OTOGL: variants seen among roughly 807,000 people sequenced by gnomAD.
OTOGL encodes otogelin like.
In OTOGL, 285 loss-of-function variants were observed where a neutral mutation model predicts 318.5. That is an observed-to-expected ratio of 0.89 (90% CI 0.81 to 0.99). The LOEUF is 0.99. Ranked by LOEUF, OTOGL falls within the 50% of genes least tolerant of loss-of-function variation. The probability of loss-of-function intolerance (pLI) is 0.00; values close to 1 mark genes in which losing one functional copy is unlikely to be tolerated. For missense variants in OTOGL, 2,899 were observed against 2,845.6 expected (o/e 1.02, Z -0.43); for synonymous variants, 987 against 936.5 (o/e 1.05, Z -0.99).
intron 29 of OTOGL, among the ~76,000 whole-genome samples, chr12:80,306,692 A>G (rs903658880): frequency 6.6e-5 from 10 of 152,024 alleles, no homozygotes; most frequent in South Asian, 2.1e-4. Context: ...TGGCTATCTT[A>G]CATCTTGTTA....
In OTOGL at chr12:80,188,762, G is replaced by C. The variant is rs1035746332; in HGVS notation, c.-19-20651G>C. Among the ~76,000 whole-genome samples, 5 of 151,998 alleles carry C rather than the reference G, an allele frequency of 3.3e-5. No individual in the cohort carries two copies. In the East Asian group the frequency reaches 9.6e-4, roughly 29 times the overall value. On this transcript the variant is annotated intron_variant, in intron 1 of 58. Coordinates refer to ENST00000547103, the MANE Select transcript of OTOGL (RefSeq NM_001378609.3). ...TTTTGTTATATAAATAAAGCCATCT[G>C]GTATATCCAAAGAATTTCAGTCTCT...
chr12:80,353,231 T>C (rs1889663642), intron 45 of OTOGL, 94 bp from the exon 46 acceptor site: 1 of 1,113,632 alleles, frequency 9.0e-7, no homozygotes, highest in East Asian at 2.9e-5. Flanking sequence ...TTGCAAAATA[T>C]ATTTTCTAAA....
intron 1 of OTOGL, among the ~76,000 whole-genome samples, chr12:80,156,437 C>A (rs997360762): frequency 1.3e-5 from 2 of 152,168 alleles, no homozygotes; most frequent in Non-Finnish European, 2.9e-5. Context: ...CCTATTAGTT[C>A]TGTCCCTCTA....
intron 52 of OTOGL, among the ~76,000 whole-genome samples, chr12:80,363,825 T>G (rs1262868138): frequency 6.6e-6 from 1 of 152,208 alleles, no homozygotes; most frequent in African/African-American, 2.4e-5. Context: ...TTATACTTCC[T>G]GTGTTCTAGA....
At chr12:80,338,593 T>A (rs1265144440) in intron 42 of OTOGL, among the ~76,000 whole-genome samples, 1 of 152,080 alleles carries the variant, frequency 6.6e-6, no homozygotes, top group Non-Finnish European at 1.5e-5. Context: ...TATAATCCAA[T>A]GCAAACCTGC....
intron 26 of OTOGL, among the ~76,000 whole-genome samples, chr12:80,288,700 T>C (rs1299818750): frequency 6.6e-6 from 1 of 151,932 alleles, no homozygotes; most frequent in Non-Finnish European, 1.5e-5. Flanking sequence ...ATTGATCCTT[T>C]TGTATGCTTC....
intron 1 of OTOGL, among the ~76,000 whole-genome samples, chr12:80,110,812 T>A (rs1869791488): frequency 6.6e-6 from 1 of 152,196 alleles, no homozygotes; most frequent in Non-Finnish European, 1.5e-5. Context: ...GTTCTAGATC[T>A]TTGAGGAATC....
chr12:80,368,997 G>A (rs1047074033), intron 55 of OTOGL, among the ~76,000 whole-genome samples: 7 of 151,258 alleles, frequency 4.6e-5, no homozygotes, highest in Non-Finnish European at 1.0e-4. Flanking sequence ...GATATGGTGA[G>A]AAAGTAGTGT....
chr12:80,103,727 T>G (rs889729671), intron 1 of OTOGL, among the ~76,000 whole-genome samples: 1 of 152,226 alleles, frequency 6.6e-6, no homozygotes, highest in Admixed American at 6.5e-5. Context: ...TTTAGGAACA[T>G]AGTAATAGCT....
chr12:80,113,690 A>T (rs893396153), intron 1 of OTOGL, among the ~76,000 whole-genome samples: 1 of 152,046 alleles, frequency 6.6e-6, no homozygotes, highest in Non-Finnish European at 1.5e-5. Context: ...ATCCTTGTTA[A>T]TTTTTTGTCT....
chr12:80,145,538 C>T (rs554251823), intron 1 of OTOGL, among the ~76,000 whole-genome samples: 7 of 151,620 alleles, frequency 4.6e-5, no homozygotes, highest in East Asian at 1.9e-4. Flanking sequence ...CTTGGCGATG[C>T]GGGCTCTTTT....
intron 1 of OTOGL, among the ~76,000 whole-genome samples, chr12:80,163,493 A>G (rs1261480956): frequency 6.6e-6 from 1 of 152,128 alleles, no homozygotes; most frequent in East Asian, 1.9e-4. Flanking sequence ...GGTAGTTAGT[A>G]TCAGGCTTAG....
chr12:80,305,516 TG>T, intron 28 of OTOGL, 59 bp from the exon 29 acceptor site: 1 of 1,275,620 alleles, frequency 7.8e-7, no homozygotes, highest in Non-Finnish European at 1.0e-6. Context: ...TTAATGAATA[TG>T]AGTCTTTAAA....
At chr12:80,168,449 G>A (rs1439200428) in intron 1 of OTOGL, among the ~76,000 whole-genome samples, 6 of 151,962 alleles carry the variant, frequency 3.9e-5, no homozygotes, top group Non-Finnish European at 8.8e-5. Context: ...ATTTTTTGGG[G>A]GGATCACAGA....
At chr12:80,301,536 T>C (rs1193018302) in intron 27 of OTOGL, among the ~76,000 whole-genome samples, 1 of 152,236 alleles carries the variant, frequency 6.6e-6, no homozygotes, top group Non-Finnish European at 1.5e-5. Context: ...CTCTCCTTAG[T>C]TCTGAATAAA....
At chr12:80,243,399 T>G (rs1289307906) in intron 11 of OTOGL, among the ~76,000 whole-genome samples, 1 of 151,980 alleles carries the variant, frequency 6.6e-6, no homozygotes. Context: ...CATTCTCAGA[T>G]GAAGTAAAAA....
At chr12:80,167,782 C>G (rs1470094537) in intron 1 of OTOGL, among the ~76,000 whole-genome samples, 2 of 151,906 alleles carry the variant, frequency 1.3e-5, no homozygotes, top group Non-Finnish European at 1.5e-5. Context: ...AGCAGGAAAC[C>G]TCAGAGTTGA....
chr12:80,358,456 T>C (rs1422015422), intron 50 of OTOGL, 107 bp downstream of exon 50: 1 of 937,704 alleles, frequency 1.1e-6, no homozygotes, highest in Non-Finnish European at 1.6e-6. Context: ...AAGTTTTTCA[T>C]TTGATGAGCT....
intron 1 of OTOGL, among the ~76,000 whole-genome samples, chr12:80,169,621 C>T (rs961802686): frequency 2.0e-5 from 3 of 152,152 alleles, no homozygotes; most frequent in African/African-American, 2.4e-5. Context: ...ACCACAATCA[C>T]AATAAATCGG....
Sources: allele counts gnomAD v4.1 joint callset (sites outside exome capture counted in the v4.1 genomes callset), GRCh38; gene constraint gnomAD v4.1.1; transcripts MANE v1.5; gene names NCBI Gene and HGNC (gene_info 2026-07-23, HGNC 2026-07-21).